Variants in CPED1 observed in about 807,000 individuals in gnomAD.
CPED1 encodes the protein cadherin like and PC-esterase domain containing 1.
Under a neutral mutation model 128.2 loss-of-function variants are expected in CPED1, and 114 were observed. The ratio of observed to expected loss-of-function variants is 0.89; its 90% CI spans 0.76 to 1.04. The LOEUF is 1.04. Ranked by LOEUF, CPED1 falls within the 50% of genes least tolerant of loss-of-function variation. The pLI is 0.00. For missense variants in CPED1, 1,211 were observed against 1,207.1 expected, an observed-to-expected ratio of 1.00 and a Z score of -0.05; for synonymous variants, 462 against 426.7, an observed-to-expected ratio of 1.08 and a Z score of -1.02.
intron 5 of CPED1, among the ~76,000 whole-genome samples, chr7:121,067,195 T>C (rs1292913594): frequency 1.3e-5 from 2 of 152,016 alleles, no homozygotes; most frequent in East Asian, 1.9e-4. Context: ...ACATGTGCCA[T>C]GTTGGTATGC....
At chr7:121,060,868 C>T (rs141425672) in intron 4 of CPED1, among the ~76,000 whole-genome samples, 1,937 of 152,344 alleles carry the variant, frequency 0.013, 24 homozygotes, top group Middle Eastern at 0.024. Flanking sequence ...TTTGGGTCCA[C>T]ACTGCCTTTA....
At chr7:121,118,212 CTCT>C (rs1795299968) in intron 7 of CPED1, among the ~76,000 whole-genome samples, 2 of 152,084 alleles carry the variant, frequency 1.3e-5, no homozygotes, top group South Asian at 4.1e-4. Context: ...TGATGCTGAA[CTCT>C]TCTTGTTCTA....
chr7:121,134,170 T>G (rs1318683371), intron 13 of CPED1, among the ~76,000 whole-genome samples: 1 of 152,018 alleles, frequency 6.6e-6, no homozygotes, highest in Non-Finnish European at 1.5e-5. Flanking sequence ...AGCCAAGATA[T>G]AGAATCAAAC....
intron 18 of CPED1, among the ~76,000 whole-genome samples, chr7:121,248,290 C>T (rs1451785698): frequency 6.6e-6 from 1 of 152,188 alleles, no homozygotes; most frequent in East Asian, 1.9e-4. Flanking sequence ...AGAATGTGGC[C>T]TATCTCCTTG....
chr7:121,063,251 A>G (rs1407498254), intron 4 of CPED1, among the ~76,000 whole-genome samples: 1 of 152,162 alleles, frequency 6.6e-6, no homozygotes, highest in Admixed American at 6.5e-5. Context: ...TCATCAATGC[A>G]CAGTTGCCAA....
rs561839068 is a variant in CPED1 at position 121,140,778 on chromosome 7, T to C, written c.1700-49T>C. ...CCTAATCATATATTATTTAAAGATATTTACCCACTTCACAGTTGTCTTTGT... is the reference window on the plus strand; with the variant it reads ...CCTAATCATATATTATTTAAAGATACTTACCCACTTCACAGTTGTCTTTGT... On this transcript the variant is annotated intron_variant, in intron 14 of 22. Transcript: ENST00000310396. 6.9e-6 allele frequency: 9 copies of C among 1,310,042 alleles called. No individual in the cohort carries two copies. The African/African-American group carries it at 1.3e-4, about 20-fold the overall frequency. The allele number at this position is 1,310,042 out of a possible 1,614,324, so 81.2% of individuals were successfully genotyped here. A position where few individuals can be genotyped will look rare whatever the true frequency, so the allele number is the denominator to read the frequency against.
At chr7:121,239,053 A>G (rs1798325902) in intron 17 of CPED1, among the ~76,000 whole-genome samples, 1 of 152,194 alleles carries the variant, frequency 6.6e-6, no homozygotes, top group African/African-American at 2.4e-5. Context: ...TCAGGATAGC[A>G]GTCTGCAAGA....
Position 121,244,193 on chromosome 7 carries a change from C to T in CPED1, c.2174-9C>T. On this transcript the variant is annotated splice_polypyrimidine_tract_variant and intron_variant, in intron 17 of 22. Transcript: ENST00000310396. ...ACAGAACCAAAGAAAGTTTTGCCAT[C>T]TATTCCAGGCCAGTGGATTGTGCCT... is the stretch of plus-strand genomic sequence containing the variant. 6.2e-7 allele frequency: 1 copy of T among 1,614,156 alleles called. No individual in the cohort carries two copies. The highest frequency in any genetic ancestry group is 8.5e-7 in the Non-Finnish European group (1 of 1,180,004).
intron 4 of CPED1, among the ~76,000 whole-genome samples, chr7:121,048,045 T>C (rs1408765933): frequency 6.6e-6 from 1 of 152,160 alleles, no homozygotes; most frequent in African/African-American, 2.4e-5. Context: ...TGTGACTCCA[T>C]GTACATTTCT....
At chr7:121,232,829 G>T (rs1379524668) in intron 16 of CPED1, among the ~76,000 whole-genome samples, 1 of 152,112 alleles carries the variant, frequency 6.6e-6, no homozygotes, top group African/African-American at 2.4e-5. Context: ...TGTTTAGACA[G>T]AGAAGGGAAG....
intron 17 of CPED1, among the ~76,000 whole-genome samples, chr7:121,242,684 GA>G (rs1798425063): frequency 6.6e-6 from 1 of 152,102 alleles, no homozygotes; most frequent in South Asian, 2.1e-4. Flanking sequence ...ATGGTGGTAA[GA>G]AGAACAAATG....
intron 18 of CPED1, among the ~76,000 whole-genome samples, chr7:121,249,470 G>A (rs1197822886): frequency 6.6e-6 from 1 of 152,138 alleles, no homozygotes; most frequent in Non-Finnish European, 1.5e-5. Context: ...CATTAGGCTG[G>A]CAGCAGACCT....
intron 18 of CPED1, among the ~76,000 whole-genome samples, chr7:121,251,218 A>G (rs1035444779): frequency 6.6e-5 from 10 of 152,224 alleles, no homozygotes; most frequent in African/African-American, 1.9e-4. Flanking sequence ...CAAAAACCAC[A>G]TGATTATCTC....
At chr7:121,017,364 T>C (rs947139425) in intron 3 of CPED1, among the ~76,000 whole-genome samples, 3 of 152,190 alleles carry the variant, frequency 2.0e-5, no homozygotes, top group East Asian at 3.8e-4. Flanking sequence ...GGCTCTATTA[T>C]GTAAGACCAA....
At chr7:121,150,465 C>A (rs1796132535) in intron 16 of CPED1, among the ~76,000 whole-genome samples, 1 of 151,924 alleles carries the variant, frequency 6.6e-6, no homozygotes, top group Admixed American at 6.6e-5. Flanking sequence ...GGATGTGCAT[C>A]TAGGTTGATT....
In CPED1 at chr7:121,143,933, A is replaced by G. The variant is rs372016293; in HGVS notation, c.2055+1792A>G. Among the ~76,000 whole-genome samples, 14 of 152,168 alleles carry G rather than the reference A, an allele frequency of 9.2e-5. No individual in the cohort carries two copies. The East Asian group carries it at 2.5e-3, about 27-fold the overall frequency. On this transcript the variant is annotated intron_variant, in intron 16 of 22. Coordinates refer to ENST00000310396, the MANE Select transcript of CPED1 (RefSeq NM_024913.5). Reference sequence around the variant, plus strand: ...TTCAGTAAGAAAGGAAACAAATCCAATATTATACTATTGGGGCATTAAAAA... The same window carrying G: ...TTCAGTAAGAAAGGAAACAAATCCAGTATTATACTATTGGGGCATTAAAAA...
chr7:121,030,192 C>T (rs1057359805), intron 3 of CPED1, among the ~76,000 whole-genome samples: 6 of 152,066 alleles, frequency 3.9e-5, no homozygotes. Flanking sequence ...TTATGTTCTA[C>T]TCTTTTACCT....
intron 18 of CPED1, among the ~76,000 whole-genome samples, chr7:121,256,129 C>A (rs12706332): frequency 0.15 from 15,123 of 99,482 alleles, 1,149 homozygotes; most frequent in African/African-American, 0.23. Flanking sequence ...AAAAACAAAA[C>A]AAAAAAAAAA....
intron 3 of CPED1, among the ~76,000 whole-genome samples, chr7:121,040,320 A>G (rs1793016963): frequency 6.6e-6 from 1 of 152,134 alleles, no homozygotes; most frequent in African/African-American, 2.4e-5. Context: ...GTCTACTATA[A>G]TCAGTGTTAG....
Sources: allele counts gnomAD v4.1 joint callset (sites outside exome capture counted in the v4.1 genomes callset), GRCh38; gene constraint gnomAD v4.1.1; transcripts MANE v1.5; gene names NCBI Gene and HGNC (gene_info 2026-07-23, HGNC 2026-07-21).